SH3PXD2A: variants seen among roughly 807,000 people sequenced by gnomAD.
SH3PXD2A encodes SH3 and PX domains 2A, also known as SH3 and PX domain-containing protein 2A.
Under a neutral mutation model 115.2 loss-of-function variants are expected in SH3PXD2A, and 32 were observed. The observed-to-expected ratio is 0.28, with a 90% CI of 0.21 to 0.37. The LOEUF (loss-of-function observed/expected upper bound fraction) is 0.37. SH3PXD2A is among the 10% of genes least tolerant of loss of function. The pLI, the probability that SH3PXD2A is intolerant of heterozygous loss-of-function variation, is 1.00. For synonymous variants in SH3PXD2A, 610 were observed against 629.1 expected (o/e 0.97, Z 0.45); for missense variants, 1,328 against 1,498.7 (o/e 0.89, Z 1.88).
intron 1 of SH3PXD2A, among the ~76,000 whole-genome samples, chr10:103,834,412 T>C (rs934267690): frequency 2.0e-5 from 3 of 152,354 alleles, no homozygotes; most frequent in Middle Eastern, 6.8e-3. Context: ...AGCAGGTTCA[T>C]AGCTGCCTAG....
chr10:103,615,382 TG>T (rs1322656481), intron 11 of SH3PXD2A, among the ~76,000 whole-genome samples: 1 of 152,226 alleles, frequency 6.6e-6, no homozygotes, highest in Non-Finnish European at 1.5e-5. Context: ...AGTGCCTGTG[TG>T]TGTCTGGGTC....
chr10:103,734,065 T>C (rs2038353721), intron 4 of SH3PXD2A, among the ~76,000 whole-genome samples: 1 of 152,080 alleles, frequency 6.6e-6, no homozygotes, highest in South Asian at 2.1e-4. Flanking sequence ...CCATGTGAGG[T>C]AGTGTTTTTA....
chr10:103,605,699 G>T, intron 14 of SH3PXD2A, 99 bp downstream of exon 14: 1 of 1,441,806 alleles, frequency 6.9e-7, no homozygotes, highest in Non-Finnish European at 9.7e-7. Flanking sequence ...CTGCCTGCCT[G>T]CCCCTCAGGA....
At chr10:103,844,907 G>A (rs1842826461) in intron 1 of SH3PXD2A, among the ~76,000 whole-genome samples, 1 of 152,200 alleles carries the variant, frequency 6.6e-6, no homozygotes, top group East Asian at 1.9e-4. Flanking sequence ...TCTTGAATAA[G>A]GGCTGGGTAA....
intron 1 of SH3PXD2A, 81 bp from the exon 2 acceptor site, chr10:103,801,443 G>T: frequency 1.2e-6 from 1 of 844,764 alleles, no homozygotes. Flanking sequence ...ATGACTGCAG[G>T]TGTTCCATAT....
intron 4 of SH3PXD2A, among the ~76,000 whole-genome samples, chr10:103,734,884 C>T (rs1362714804): frequency 6.6e-6 from 1 of 152,252 alleles, no homozygotes; most frequent in Admixed American, 6.5e-5. Flanking sequence ...GAGCCAGACG[C>T]TGTGCTGTTG....
chr10:103,849,840 T>C (rs1230702721), intron 1 of SH3PXD2A, among the ~76,000 whole-genome samples: 2 of 152,208 alleles, frequency 1.3e-5, no homozygotes, highest in Non-Finnish European at 2.9e-5. Context: ...TCCTGTCCCC[T>C]GGGTCCCTAT....
chr10:103,728,897 G>GTTTTTTTTTTTT (rs57283527), intron 4 of SH3PXD2A, among the ~76,000 whole-genome samples: 4 of 135,904 alleles, frequency 2.9e-5, no homozygotes, highest in African/African-American at 5.4e-5. Flanking sequence ...TTGTTTGTTT[G>GTTTTTTTTTTTT]TTTTTTTTTT....
chr10:103,614,089 AT>A (rs1554903666), intron 11 of SH3PXD2A, among the ~76,000 whole-genome samples: 18 of 101,090 alleles, frequency 1.8e-4, no homozygotes, highest in African/African-American at 5.1e-4. Flanking sequence ...CCAAAAAAAA[AT>A]TTTTTTTTTT....
At chr10:103,823,987 T>A (rs1027633282) in intron 1 of SH3PXD2A, among the ~76,000 whole-genome samples, 5 of 152,228 alleles carry the variant, frequency 3.3e-5, no homozygotes, top group African/African-American at 1.2e-4. Flanking sequence ...GAGTGTCCCC[T>A]GAGATGTGTC....
chr10:103,795,108 G>T (rs903024660), intron 2 of SH3PXD2A, among the ~76,000 whole-genome samples: 10 of 152,180 alleles, frequency 6.6e-5, no homozygotes, highest in Admixed American at 2.0e-4. Context: ...TTCCATATCT[G>T]CCCAATACAC....
chr10:103,782,243 T>C (rs1047176361), intron 2 of SH3PXD2A, among the ~76,000 whole-genome samples: 1 of 152,170 alleles, frequency 6.6e-6, no homozygotes, highest in Admixed American at 6.5e-5. Context: ...CAGAGCTTGA[T>C]GGAAAAGCAC....
At chr10:103,812,549 A>C (rs1829293424) in intron 1 of SH3PXD2A, among the ~76,000 whole-genome samples, 1 of 152,184 alleles carries the variant, frequency 6.6e-6, no homozygotes, top group Admixed American at 6.5e-5. Flanking sequence ...TGACTGACCC[A>C]GGCCTACTGA....
Position 103,602,738 on chromosome 10 carries a change from G to T in SH3PXD2A, c.2480C>A (p.Ala827Asp), listed in dbSNP as rs761026913. Reference protein sequence around the residue: ...RSSSDLITLPATTPPCPTKKE... With the variant: ...RSSSDLITLPDTTPPCPTKKE... ...CTTGGTGGGACATGGGGGAGTGGTG[G>T]CTGGGAGGGTGATGAGGTCGGATGA... is the stretch of plus-strand genomic sequence containing the variant. The change falls in exon 15 of 15, where the codon GCC becomes GAC. Residue 827 changes from alanine (A) to aspartate (D), a missense_variant. By Grantham distance (126) the Ala-to-Asp change is moderately radical. This residue lies in a region of SH3PXD2A where 574 missense variants were observed against 565.7 expected (regional missense o/e 1.01). Coordinates refer to ENST00000369774, the MANE Select transcript of SH3PXD2A (RefSeq NM_001394015.1). 6.2e-7 allele frequency: 1 copy of T among 1,613,992 alleles called. No homozygotes were observed. Among genetic ancestry groups the T allele is most frequent in the African/African-American group, 1.3e-5 (1 of 74,904 alleles).
In SH3PXD2A at chr10:103,602,571, C is replaced by T. The variant is rs1318030195; in HGVS notation, c.2647G>A (p.Gly883Arg). The T allele has an allele frequency of 6.2e-7, 1 of 1,614,210 alleles. No individual in the cohort carries two copies. The highest frequency in any genetic ancestry group is 1.1e-5 in the South Asian group (1 of 91,088). Residue 883 changes from glycine (G) to arginine (R), a missense_variant, in exon 15 of 15, where the codon GGG (glycine) becomes AGG (arginine). By Grantham distance (125) the Gly-to-Arg change is moderately radical (BLOSUM62 -2). Coordinates refer to ENST00000369774, the MANE Select transcript of SH3PXD2A (RefSeq NM_001394015.1). ...QESGWWYVRFGELEGWAPSHY... is the reference protein window; with the variant it reads ...QESGWWYVRFRELEGWAPSHY... ...GAAGGGGCCCAGCCCTCCAGCTCCC[C>T]AAACCTCACATACCACCACCCGCTC...
chr10:103,828,607 A>C (rs2039455246), intron 1 of SH3PXD2A, among the ~76,000 whole-genome samples: 1 of 152,050 alleles, frequency 6.6e-6, no homozygotes, highest in Admixed American at 6.6e-5. Context: ...TCAATATTCC[A>C]CTTCCAGAGT....
chr10:103,837,930 C>CT (rs1289849883), intron 1 of SH3PXD2A, among the ~76,000 whole-genome samples: 1 of 152,082 alleles, frequency 6.6e-6, no homozygotes, highest in Non-Finnish European at 1.5e-5. Context: ...TCTTGGGGCC[C>CT]TCGCCAAGCC....
chr10:103,821,044 C>T (rs58903224), intron 1 of SH3PXD2A, among the ~76,000 whole-genome samples: 14,645 of 152,070 alleles, frequency 0.096, 793 homozygotes, highest in African/African-American at 0.12. Context: ...AGAGGGTATG[C>T]CTCTGATGGT....
At chr10:103,854,272 A>G (rs1225880721) in intron 1 of SH3PXD2A, among the ~76,000 whole-genome samples, 1 of 152,252 alleles carries the variant, frequency 6.6e-6, no homozygotes, top group East Asian at 1.9e-4. Flanking sequence ...TAAATACCCA[A>G]TTTGCAAATA....
Sources: allele counts gnomAD v4.1 joint callset (sites outside exome capture counted in the v4.1 genomes callset), GRCh38; gene constraint gnomAD v4.1.1; regional missense constraint gnomAD v4.1.1; transcripts MANE v1.5; gene names NCBI Gene and HGNC (gene_info 2026-07-23, HGNC 2026-07-21).